HOXD12: variants seen among roughly 807,000 people sequenced by gnomAD.
HOXD12 encodes homeobox D12.
HOXD12 carries 21 observed loss-of-function variants against 20.2 expected under a neutral mutation model. The ratio of observed to expected loss-of-function variants is 1.04; its 90% CI spans 0.74 to 1.50. The LOEUF (loss-of-function observed/expected upper bound fraction) is 1.50. HOXD12 is among the 40% of genes most tolerant of loss of function. The pLI is 0.00. For synonymous variants in HOXD12, 196 were observed against 168.8 expected (o/e 1.16, Z -1.25); for missense variants, 472 against 365.5 (o/e 1.29, Z -2.38).
At position 176,100,780 on chromosome 2, in the gene HOXD12, C is replaced by T. The variant is rs771678353; in HGVS notation, c.*20C>T. 26 of 1,540,020 alleles carry T rather than the reference C, an allele frequency of 1.7e-5. No individual in the cohort carries two copies. In the East Asian group the frequency reaches 2.3e-4, roughly 13 times the overall value. On this transcript the variant is annotated 3_prime_UTR_variant, in exon 2 of 2. Coordinates refer to ENST00000406506, the MANE Select transcript of HOXD12 (RefSeq NM_021193.4). ...TACTAGCCGCGCGCGTGGCCAGGGC[C>T]GGGTTGGATCTGCCCTTTTGGACAG...
In HOXD12 at chr2:176,100,266, G is replaced by T; in HGVS notation, c.465G>T (p.Gly155=). 8 of 1,612,552 alleles carry T rather than the reference G, an allele frequency of 5.0e-6. No homozygotes were observed. Among genetic ancestry groups the T allele is most frequent in the South Asian group, 2.2e-5 (2 of 91,082 alleles). Residue 155 remains glycine (G), a synonymous_variant, in exon 1 of 2, where the codon GGG becomes GGT. Transcript: ENST00000406506. ...ATPGSTTLLQ[G]APCAPGFKDD... ...CGGGCTCCACGACCCTGCTCCAGGG[G>T]GCTCCCTGCGCCCCTGGCTTCAAGG... is the stretch of plus-strand genomic sequence containing the variant.
chr2:176,100,372 G>T lies in HOXD12; in HGVS notation c.571G>T (p.Asp191Tyr). 3 of 1,612,390 alleles carry T rather than the reference G, an allele frequency of 1.9e-6. No homozygotes were observed. The highest frequency in any genetic ancestry group is 2.5e-6 in the Non-Finnish European group (3 of 1,179,704). ...VASCLRPSLP[D>Y]GLPWGAAPGR... ...CTCTTGCCTGCGACCTTCACTGCCCGACGGTAAACGGTGCCCATGCTCCCC... is the reference window on the plus strand; with the variant it reads ...CTCTTGCCTGCGACCTTCACTGCCCTACGGTAAACGGTGCCCATGCTCCCC... The change falls in exon 1 of 2, where the codon GAC becomes TAC. Residue 191 changes from aspartate to tyrosine, a missense_variant. Transcript: ENST00000406506.
chr2:176,100,667 C>T lies in HOXD12; in HGVS notation c.720C>T (p.Asn240=). The T allele has an allele frequency of 1.2e-6, 2 of 1,613,980 alleles. No individual in the cohort carries two copies. Among genetic ancestry groups the T allele is most frequent in the African/African-American group, 1.3e-5 (1 of 75,076 alleles). Residue 240 remains asparagine (N), a synonymous_variant, in exon 2 of 2, where the codon AAC becomes AAT. Transcript: ENST00000406506. ...QKRKELSNRL[N]LSDQQVKIWF... ...GCAAGGAATTGTCCAATAGGCTGAA[C>T]CTCAGCGACCAGCAAGTCAAAATCT...
chr2:176,099,980 C>G lies in HOXD12; in HGVS notation c.179C>G (p.Pro60Arg). The G allele has an allele frequency of 6.3e-7, 1 of 1,591,604 alleles. No homozygotes were observed. Among genetic ancestry groups the G allele is most frequent in the Non-Finnish European group, 8.6e-7 (1 of 1,169,222 alleles). ...GCCGCCACGCCCGCCTCCTGCGCCC[C>G]CGCGCAGCCTGCGGGCGCCACTGCC... is the stretch of plus-strand genomic sequence containing the variant. ...PWAATPASCA[P>R]AQPAGATAFG... Residue 60 changes from proline (P) to arginine (R), a missense_variant, in exon 1 of 2, where the codon CCC (proline) becomes CGC (arginine). By Grantham distance (103) the Pro-to-Arg change is moderately radical. Transcript: ENST00000406506.
rs1352906288 is a variant in HOXD12 at position 176,100,798 on chromosome 2, T to G, written c.*38T>G. The G allele has an allele frequency of 7.2e-7, 1 of 1,390,180 alleles. No individual in the cohort carries two copies. The highest frequency in any genetic ancestry group is 1.0e-6 in the Non-Finnish European group (1 of 983,682). The allele number at this position is 1,390,180 out of a possible 1,614,324, so 86.1% of individuals were successfully genotyped here. The stretch of plus-strand genomic sequence containing the variant: ...CCAGGGCCGGGTTGGATCTGCCCTT[T>G]TGGACAGAGGCCTTGTTTGGGGAGG... On this transcript the variant is annotated 3_prime_UTR_variant, in exon 2 of 2. Transcript: ENST00000406506.
chr2:176,099,862 C>A lies in HOXD12; in HGVS notation c.61C>A (p.Pro21Thr). Residue 21 changes from proline to threonine, a missense_variant, in exon 1 of 2, where the codon CCA (proline) becomes ACA (threonine). By Grantham distance (38) the Pro-to-Thr change is conservative. Transcript: ENST00000406506. ...GGGCTCGCTTCTGAATCTGCAGTCG[C>A]CAGACTCTTTCTACTTCTCCAACCT... is the stretch of plus-strand genomic sequence containing the variant. Reference protein sequence around the residue: ...YVGSLLNLQSPDSFYFSNLRP... With the variant: ...YVGSLLNLQSTDSFYFSNLRP... 3.2e-6 allele frequency: 5 copies of A among 1,582,700 alleles called. No individual in the cohort carries two copies. The highest frequency in any genetic ancestry group is 4.3e-6 in the Non-Finnish European group (5 of 1,168,110).
Position 176,100,762 on chromosome 2 carries a change from C to A in HOXD12, c.*2C>A. On this transcript the variant is annotated 3_prime_UTR_variant, in exon 2 of 2. Transcript: ENST00000406506. ...GAGCAGGCGCTGGCGCTCTACTAGC[C>A]GCGCGCGTGGCCAGGGCCGGGTTGG... 6.2e-7 allele frequency: 1 copy of A among 1,605,652 alleles called. No individual in the cohort carries two copies. The highest frequency in any genetic ancestry group is 1.1e-5 in the South Asian group (1 of 90,572).
chr2:176,100,707 C>A lies in HOXD12; in HGVS notation c.760C>A (p.Arg254Ser), dbSNP rs778622137. The A allele has an allele frequency of 2.5e-6, 4 of 1,613,956 alleles. No homozygotes were observed. The highest frequency in any genetic ancestry group is 3.4e-6 in the Non-Finnish European group (4 of 1,179,856). Residue 254 changes from arginine to serine, a missense_variant, in exon 2 of 2, where the codon CGT (arginine) becomes AGT (serine). Arg to Ser is a moderately radical substitution (Grantham distance 110). Transcript: ENST00000406506. ...QQVKIWFQNRRMKKKRVVLRE... is the reference protein window; with the variant it reads ...QQVKIWFQNRSMKKKRVVLRE... Reference sequence around the variant, plus strand: ...AGTCAAAATCTGGTTCCAGAACAGGCGTATGAAGAAGAAGCGCGTGGTGCT... The same window carrying A: ...AGTCAAAATCTGGTTCCAGAACAGGAGTATGAAGAAGAAGCGCGTGGTGCT...
chr2:176,100,724 C>G lies in HOXD12; in HGVS notation c.777C>G (p.Arg259=). Residue 259 remains arginine (R), a synonymous_variant, in exon 2 of 2, where the codon CGC becomes CGG. Transcript: ENST00000406506. ...AGAACAGGCGTATGAAGAAGAAGCG[C>G]GTGGTGCTTCGGGAGCAGGCGCTGG... ...WFQNRRMKKK[R]VVLREQALAL... 6.2e-7 allele frequency: 1 copy of G among 1,613,858 alleles called. No homozygotes were observed. The highest frequency in any genetic ancestry group is 1.1e-5 in the South Asian group (1 of 91,034).
rs1689484756 is a variant in HOXD12 at position 176,100,803 on chromosome 2, C to T, written c.*43C>T. 2.2e-6 allele frequency: 3 copies of T among 1,349,430 alleles called. No individual in the cohort carries two copies. The highest frequency in any genetic ancestry group is 3.2e-6 in the Non-Finnish European group (3 of 948,876). 83.6% of individuals were successfully genotyped at this position (1,349,430 alleles called of 1,614,324 possible). On this transcript the variant is annotated 3_prime_UTR_variant, in exon 2 of 2. Coordinates refer to ENST00000406506, the MANE Select transcript of HOXD12 (RefSeq NM_021193.4). ...GCCGGGTTGGATCTGCCCTTTTGGA[C>T]AGAGGCCTTGTTTGGGGAGGGGGAT...
chr2:176,100,604 C>T lies in HOXD12; in HGVS notation c.657C>T (p.Asn219=). 3 of 1,613,108 alleles carry T rather than the reference C, an allele frequency of 1.9e-6. No individual in the cohort carries two copies. Among genetic ancestry groups the T allele is most frequent in the East Asian group, 2.2e-5 (1 of 44,846 alleles). Residue 219 remains asparagine (N), a synonymous_variant, in exon 2 of 2, where the codon AAC becomes AAT. Transcript: ENST00000406506. ...AGCAGCAGATTGCGGAGTTGGAGAA[C>T]GAATTCCTCGTCAACGAATTCATCA... ...YTKQQIAELE[N]EFLVNEFINR... is the part of the protein sequence containing the mutation.
chr2:176,101,413 G>A lies in HOXD12; in HGVS notation c.*653G>A, dbSNP rs763272099. On this transcript the variant is annotated 3_prime_UTR_variant, in exon 2 of 2. Transcript: ENST00000406506. ...AGTGGGGTAAACTTGGAGATATCTCGAAATGAGAAATGCGAAATAGGCTGG... is the reference window on the plus strand; with the variant it reads ...AGTGGGGTAAACTTGGAGATATCTCAAAATGAGAAATGCGAAATAGGCTGG... Among the ~76,000 whole-genome samples, 2 of 151,998 alleles carry A rather than the reference G, an allele frequency of 1.3e-5. No homozygotes were observed. Among genetic ancestry groups the A allele is most frequent in the Non-Finnish European group, 2.9e-5 (2 of 68,018 alleles).
rs1170899274 is a variant in HOXD12, at chr2:176,099,907, T to C, written c.106T>C (p.Leu36=). The change falls in exon 1 of 2, where the codon TTG becomes CTG. Residue 36 remains leucine, a synonymous_variant. Coordinates refer to ENST00000406506, the MANE Select transcript of HOXD12 (RefSeq NM_021193.4). ...CAACCTGAGGCCGAATGGCGGCCAGTTGGCCGCGCTTCCCCCTATCTCCTA... is the reference window on the plus strand; with the variant it reads ...CAACCTGAGGCCGAATGGCGGCCAGCTGGCCGCGCTTCCCCCTATCTCCTA... The part of the protein sequence containing the change: ...FSNLRPNGGQ[L]AALPPISYPR... 2 of 1,594,514 alleles carry C rather than the reference T, an allele frequency of 1.3e-6. No individual in the cohort carries two copies. Among genetic ancestry groups the C allele is most frequent in the African/African-American group, 2.8e-5 (2 of 72,304 alleles).
rs1373873331 is a variant in HOXD12, at chr2:176,101,130, G to A, written c.*370G>A. 5.9e-6 allele frequency: 2 copies of A among 338,388 alleles called. No homozygotes were observed. The highest frequency in any genetic ancestry group is 9.3e-5 in the Admixed American group (2 of 21,438). 21.0% of individuals were successfully genotyped at this position (338,388 alleles called of 1,614,324 possible). A position where few individuals can be genotyped will look rare whatever the true frequency, so the allele number is the denominator to read the frequency against. ...CGTTCTCCCTTTCCCCCTCTCTCCA[G>A]CCCCTTCAGCGTATAGCAGTCGCCT... is the stretch of plus-strand genomic sequence containing the variant. On this transcript the variant is annotated 3_prime_UTR_variant, in exon 2 of 2. Coordinates refer to ENST00000406506, the MANE Select transcript of HOXD12 (RefSeq NM_021193.4).
chr2:176,099,875 A>G lies in HOXD12; in HGVS notation c.74A>G (p.Tyr25Cys). 1.9e-6 allele frequency: 3 copies of G among 1,587,738 alleles called. No individual in the cohort carries two copies. Among genetic ancestry groups the G allele is most frequent in the South Asian group, 1.1e-5 (1 of 87,674 alleles). Residue 25 changes from tyrosine to cysteine, a missense_variant, in exon 1 of 2, where the codon TAC (tyrosine) becomes TGC (cysteine). Tyr to Cys is a radical substitution (Grantham distance 194, BLOSUM62 -2). Coordinates refer to ENST00000406506, the MANE Select transcript of HOXD12 (RefSeq NM_021193.4). The stretch of plus-strand genomic sequence containing the variant: ...AATCTGCAGTCGCCAGACTCTTTCT[A>G]CTTCTCCAACCTGAGGCCGAATGGC... ...LLNLQSPDSF[Y>C]FSNLRPNGGQ...
Position 176,100,553 on chromosome 2 carries a change from C to A in HOXD12, c.606C>A (p.Ala202=), listed in dbSNP as rs1431272779. 6.2e-6 allele frequency: 10 copies of A among 1,609,834 alleles called. No homozygotes were observed. The highest frequency in any genetic ancestry group is 8.5e-6 in the Non-Finnish European group (10 of 1,178,156). The change falls in exon 2 of 2, where the codon GCC becomes GCA. Residue 202 remains alanine, a synonymous_variant. Coordinates refer to ENST00000406506, the MANE Select transcript of HOXD12 (RefSeq NM_021193.4). ...CGTGGGGGGCGGCCCCGGGGAGGGC[C>A]CGCAAGAAGCGGAAACCCTACACGA... ...GLPWGAAPGR[A]RKKRKPYTKQ...
rs766859471 is a variant in HOXD12, at chr2:176,100,736, G to A, written c.789G>A (p.Arg263=). The A allele has an allele frequency of 5.6e-6, 9 of 1,613,566 alleles. No homozygotes were observed. The highest frequency in any genetic ancestry group is 6.8e-6 in the Non-Finnish European group (8 of 1,179,698). The change falls in exon 2 of 2, where the codon CGG becomes CGA. Residue 263 remains arginine, a synonymous_variant. Coordinates refer to ENST00000406506, the MANE Select transcript of HOXD12 (RefSeq NM_021193.4). ...RRMKKKRVVL[R]EQALALY is the part of the protein sequence containing the mutation. ...TGAAGAAGAAGCGCGTGGTGCTTCG[G>A]GAGCAGGCGCTGGCGCTCTACTAGC...
chr2:176,101,818 T>C lies in HOXD12; in HGVS notation c.*1058T>C, dbSNP rs1410026157. On this transcript the variant is annotated 3_prime_UTR_variant, in exon 2 of 2. Transcript: ENST00000406506. ...TTACCTTAATGGAACCCCATAAGGATAGGCAAAAATCCTTCTCAAGAGTCA... is the reference window on the plus strand; with the variant it reads ...TTACCTTAATGGAACCCCATAAGGACAGGCAAAAATCCTTCTCAAGAGTCA... 2.0e-5 allele frequency among the ~76,000 whole-genome samples: 3 copies of C among 152,146 alleles called. No individual in the cohort carries two copies. The East Asian group carries it at 5.8e-4, about 30-fold the overall frequency.
rs755593042 is a variant in HOXD12 at position 176,100,781 on chromosome 2, G to A, written c.*21G>A. On this transcript the variant is annotated 3_prime_UTR_variant, in exon 2 of 2. Transcript: ENST00000406506. ...ACTAGCCGCGCGCGTGGCCAGGGCC[G>A]GGTTGGATCTGCCCTTTTGGACAGA... The A allele has an allele frequency of 8.4e-6, 13 of 1,541,186 alleles. No homozygotes were observed. Among genetic ancestry groups the A allele is most frequent in the South Asian group, 3.4e-5 (3 of 88,530 alleles).
Sources: gnomAD v4.1 joint callset for allele counts (sites outside exome capture counted in the v4.1 genomes callset) on GRCh38, gnomAD v4.1.1 for gene constraint, MANE v1.5 for transcripts, NCBI Gene and HGNC (gene_info 2026-07-23, HGNC 2026-07-21) for gene names.